IGFN1: variants seen among roughly 807,000 people sequenced by gnomAD.
IGFN1 encodes the protein immunoglobulin-like and fibronectin type III domain-containing protein 1.
In IGFN1, 253 loss-of-function variants were observed where a neutral mutation model predicts 289.5. That is an observed-to-expected ratio of 0.87 (90% CI 0.79 to 0.97). The LOEUF (loss-of-function observed/expected upper bound fraction) is 0.97. IGFN1 is among the 50% of genes least tolerant of loss of function. The pLI is 0.00. For synonymous variants in IGFN1, 1,706 were observed against 1,788.5 expected (o/e 0.95, Z 1.16); for missense variants, 4,470 against 4,686.1 (o/e 0.95, Z 1.35).
intron 11 of IGFN1, among the ~76,000 whole-genome samples, chr1:201,205,784 G>C (rs1191934819): frequency 6.6e-6 from 1 of 152,264 alleles, no homozygotes; most frequent in Non-Finnish European, 1.5e-5. Context: ...TGCTGCGGCA[G>C]TTTGATAAAC....
At chr1:201,191,063 G>A (rs1370624470) in intron 1 of IGFN1, among the ~76,000 whole-genome samples, 156 bp downstream of exon 1, 2 of 152,174 alleles carry the variant, frequency 1.3e-5, no homozygotes, top group African/African-American at 4.8e-5. Flanking sequence ...TCACACGCTG[G>A]GGTGCACCTG....
At position 201,191,124 on chromosome 1, in the gene IGFN1, T is replaced by C. The variant is rs560948286; in HGVS notation, c.-48+217T>C. ...ATCTGGAGGAGAGAATTTCAGTGTG[T>C]CCTGTCTGGGCATTTCTGTCCTGGC... On this transcript the variant is annotated intron_variant, in intron 1 of 23. Transcript: ENST00000335211. Among the ~76,000 whole-genome samples the C allele has an allele frequency of 9.8e-5, 15 of 152,300 alleles. No homozygotes were observed. In the East Asian group the frequency reaches 2.7e-3, roughly 27 times the overall value.
At chr1:201,225,306 A>G (rs1654004429) in intron 21 of IGFN1, among the ~76,000 whole-genome samples, 1 of 152,178 alleles carries the variant, frequency 6.6e-6, no homozygotes, top group East Asian at 1.9e-4. Flanking sequence ...GATCAAATAG[A>G]CTAACAGTGG....
chr1:201,195,767 A>G (rs892962982), intron 3 of IGFN1, 72 bp from the exon 4 acceptor site: 6 of 1,418,712 alleles, frequency 4.2e-6, no homozygotes, highest in Non-Finnish European at 5.7e-6. Context: ...GATATAAATT[A>G]AAATTTAAAT....
In IGFN1 at chr1:201,211,104, A is replaced by T. The variant is rs955329310; in HGVS notation, c.6211A>T (p.Arg2071Trp). 3.3e-6 allele frequency: 5 copies of T among 1,507,042 alleles called. No individual in the cohort carries two copies. The highest frequency in any genetic ancestry group is 2.0e-5 in the Admixed American group (1 of 49,538). 93.4% of individuals were successfully genotyped at this position (1,507,042 alleles called of 1,614,324 possible). Reference sequence around the variant, plus strand: ...GGGGTCAGTGAATGAGGCAGGTTATAGGAAGGATTTAGGGGCTCCTAAGGG... The same window carrying T: ...GGGGTCAGTGAATGAGGCAGGTTATTGGAAGGATTTAGGGGCTCCTAAGGG... Reference protein sequence around the residue: ...EMGSVNEAGYRKDLGAPKGMG... With the variant: ...EMGSVNEAGYWKDLGAPKGMG... Residue 2071 changes from arginine (R) to tryptophan (W), a missense_variant, in exon 12 of 24, where the codon AGG becomes TGG. Arg to Trp is a moderately radical substitution (Grantham distance 101). This residue lies in a region of IGFN1 where 2,218 missense variants were observed against 2,114.1 expected (regional missense o/e 1.05). Transcript: ENST00000335211.
At position 201,203,895 on chromosome 1, in the gene IGFN1, T is replaced by C. The variant is rs1282342139; in HGVS notation, c.905T>C (p.Leu302Pro). The C allele has an allele frequency of 1.3e-6, 2 of 1,551,362 alleles. No individual in the cohort carries two copies. Among genetic ancestry groups the C allele is most frequent in the Admixed American group, 3.9e-5 (2 of 50,964 alleles). The change falls in exon 10 of 24, where the codon CTG becomes CCG. Residue 302 changes from leucine to proline, a missense_variant. Coordinates refer to ENST00000335211, the MANE Select transcript of IGFN1 (RefSeq NM_001164586.2). ...VEDAVVFSTE[L>P]EASAIPPRVV... Reference sequence around the variant, plus strand: ...GATGCTGTGGTCTTCTCCACAGAACTGGAGGCCAGTGGTGAGTGGTCTACA... The same window carrying C: ...GATGCTGTGGTCTTCTCCACAGAACCGGAGGCCAGTGGTGAGTGGTCTACA...
At position 201,194,404 on chromosome 1, in the gene IGFN1, C is replaced by A. The variant is rs191973848; in HGVS notation, c.127+131C>A. 108 of 969,534 alleles carry A rather than the reference C, an allele frequency of 1.1e-4. 1 individual carries two copies. The African/African-American group carries it at 1.6e-3, about 15-fold the overall frequency. 60.1% of individuals were successfully genotyped at this position (969,534 alleles called of 1,614,324 possible). A position where few individuals can be genotyped will look rare whatever the true frequency, so the allele number is the denominator to read the frequency against. On this transcript the variant is annotated intron_variant, in intron 3 of 23. Coordinates refer to ENST00000335211, the MANE Select transcript of IGFN1 (RefSeq NM_001164586.2). The stretch of plus-strand genomic sequence containing the variant: ...CCATCACTAGGCCATAGCCCATCTC[C>A]CTCCTATCCTTGAGGGGGTATGTGC...
chr1:201,208,193 T>C lies in IGFN1; in HGVS notation c.3300T>C (p.Val1100=). ...AGGCCCCTGGAGTAGTGGAGACTGT[T>C]GGGATGGGATGTGTGGAAGCAGAAC... The part of the protein sequence containing the change: ...GLKAPGVVET[V]GMGCVEAEPE... Residue 1100 remains valine, a synonymous_variant, in exon 12 of 24, where the codon GTT becomes GTC. Transcript: ENST00000335211. 4 of 1,536,654 alleles carry C rather than the reference T, an allele frequency of 2.6e-6. No homozygotes were observed. Among genetic ancestry groups the C allele is most frequent in the Non-Finnish European group, 3.5e-6 (4 of 1,146,728 alleles).
chr1:201,205,003 T>C lies in IGFN1; in HGVS notation c.917-79T>C, dbSNP rs1571445892. 5.0e-6 allele frequency: 7 copies of C among 1,410,476 alleles called. No individual in the cohort carries two copies. In the East Asian group the frequency reaches 1.8e-4, roughly 36 times the overall value. 87.4% of individuals were successfully genotyped at this position (1,410,476 alleles called of 1,614,324 possible). A position where few individuals can be genotyped will look rare whatever the true frequency, so the allele number is the denominator to read the frequency against. On this transcript the variant is annotated intron_variant, in intron 10 of 23. Coordinates refer to ENST00000335211, the MANE Select transcript of IGFN1 (RefSeq NM_001164586.2). ...CTGAGCTGGTCTAAGCCAGGATTTCTGAATGGCCAGCCTTGCTGCCTTAGG... is the reference window on the plus strand; with the variant it reads ...CTGAGCTGGTCTAAGCCAGGATTTCCGAATGGCCAGCCTTGCTGCCTTAGG...
intron 20 of IGFN1, 100 bp downstream of exon 20, chr1:201,222,927 C>T: frequency 5.7e-6 from 4 of 704,776 alleles, no homozygotes; most frequent in East Asian, 5.7e-5. Context: ...CCTTTTTGGC[C>T]CCTAGTCAGT....
chr1:201,216,601 G>A lies in IGFN1; in HGVS notation c.9443G>A (p.Trp3148Ter), dbSNP rs1331560188. ...AGACGGCAGGCTGGCAGGAGCACTT[G>A]GCTGAAGGTGGGCGAGGCCCCCGCT... ...VERRQAGRSTWLKVGEAPADS... is the reference protein window; with the variant it reads ...VERRQAGRST The change falls in exon 16 of 24, where the codon TGG becomes TAG. Residue 3148 changes from tryptophan (W) to a stop codon, truncating the protein, a stop_gained. Transcript: ENST00000335211. LOFTEE classifies it high-confidence loss of function. 5 of 1,613,822 alleles carry A rather than the reference G, an allele frequency of 3.1e-6. No homozygotes were observed. Among genetic ancestry groups the A allele is most frequent in the Non-Finnish European group, 4.2e-6 (5 of 1,179,878 alleles).
chr1:201,223,736 G>A (rs1429160552), intron 20 of IGFN1, among the ~76,000 whole-genome samples: 2 of 152,110 alleles, frequency 1.3e-5, no homozygotes, highest in South Asian at 2.1e-4. Flanking sequence ...GATAATAATA[G>A]TAACCTACCT....
In IGFN1 at chr1:201,208,633, G is replaced by T. The variant is rs186611216; in HGVS notation, c.3740G>T (p.Gly1247Val). The change falls in exon 12 of 24, where the codon GGG becomes GTG. Residue 1247 changes from glycine to valine, a missense_variant. Coordinates refer to ENST00000335211, the MANE Select transcript of IGFN1 (RefSeq NM_001164586.2). ...RGLGPRSTGP[G>V]GEAGFRDGSG... ...CTTGGGCCTAGGAGTACAGGGCCAG[G>T]GGGTGAGGCAGGCTTTAGAGATGGT... is the stretch of plus-strand genomic sequence containing the variant. The T allele has an allele frequency of 6.5e-7, 1 of 1,531,590 alleles. No individual in the cohort carries two copies. Among genetic ancestry groups the T allele is most frequent in the East Asian group, 2.4e-5 (1 of 40,890 alleles). 94.9% of individuals were successfully genotyped at this position (1,531,590 alleles called of 1,614,324 possible).
chr1:201,201,900 C>A, intron 9 of IGFN1, 68 bp downstream of exon 9: 1 of 776,652 alleles, frequency 1.3e-6, no homozygotes, highest in South Asian at 1.5e-5. Context: ...GGAGAGGGAA[C>A]TATGGGTACC....
In IGFN1 at chr1:201,203,821, T is replaced by G. The variant is rs1180593377; in HGVS notation, c.831T>G (p.Ile277Met). The change falls in exon 10 of 24, where the codon ATT (isoleucine) becomes ATG (methionine). Residue 277 changes from isoleucine to methionine, a missense_variant. By Grantham distance (10) the Ile-to-Met change is conservative (BLOSUM62 1). This residue lies in a region of IGFN1 where 2,011 missense variants were observed against 1,953.4 expected (regional missense o/e 1.03). Coordinates refer to ENST00000335211, the MANE Select transcript of IGFN1 (RefSeq NM_001164586.2). ...TGGGGAAGCGCTATGAGTTCCAGAT[T>G]CAAGACCTGAGGCCTGAGGACTCTG... ...RRLGKRYEFQ[I>M]QDLRPEDSGI... 5.2e-6 allele frequency: 8 copies of G among 1,551,558 alleles called. No individual in the cohort carries two copies. Among genetic ancestry groups the G allele is most frequent in the Non-Finnish European group, 7.0e-6 (8 of 1,147,014 alleles).
At chr1:201,198,606 T>C (rs561378118) in intron 5 of IGFN1, among the ~76,000 whole-genome samples, 63 of 152,072 alleles carry the variant, frequency 4.1e-4, no homozygotes, top group Admixed American at 1.0e-3. Flanking sequence ...TTTATTTTTT[T>C]TGTAGAGGCG....
chr1:201,205,951 TG>T, intron 11 of IGFN1, 131 bp from the exon 12 acceptor site: 1 of 680,770 alleles, frequency 1.5e-6, no homozygotes, highest in Non-Finnish European at 2.5e-6. Flanking sequence ...GCTTCTCTCC[TG>T]GGGAAGTCCA....
chr1:201,224,577 G>T (rs1653956230), intron 20 of IGFN1, 102 bp from the exon 21 acceptor site: 1 of 896,136 alleles, frequency 1.1e-6, no homozygotes, highest in East Asian at 2.6e-5. Flanking sequence ...CCTTGTAGAA[G>T]ACTCTTCTCA....
chr1:201,203,669 G>A, intron 9 of IGFN1, 69 bp from the exon 10 acceptor site: 1 of 1,450,294 alleles, frequency 6.9e-7, no homozygotes, highest in South Asian at 1.3e-5. Context: ...GTTATAGCCA[G>A]AATGGGACTG....
Sources: gnomAD v4.1 joint callset for allele counts (sites outside exome capture counted in the v4.1 genomes callset) on GRCh38, gnomAD v4.1.1 for gene constraint, gnomAD v4.1.1 regional missense constraint, MANE v1.5 for transcripts, NCBI Gene and HGNC (gene_info 2026-07-23, HGNC 2026-07-21) for gene names.